XPO4: variants seen among roughly 807,000 people sequenced by gnomAD.
The protein encoded by XPO4 is exportin-4.
Under a neutral mutation model 143.0 loss-of-function variants are expected in XPO4, and 39 were observed. The observed-to-expected ratio is 0.27, with a 90% CI of 0.21 to 0.36. XPO4 has a LOEUF of 0.36. Ranked by LOEUF, XPO4 falls within the 10% of genes least tolerant of loss-of-function variation. XPO4 has a pLI of 1.00. For missense variants in XPO4, 907 were observed against 1,348.0 expected (o/e 0.67, Z 5.12); for synonymous variants, 439 against 474.0 (o/e 0.93, Z 0.96).
intron 1 of XPO4, chr13:20,901,994 T>C: frequency 1.2e-6 from 1 of 823,026 alleles, no homozygotes; most frequent in Non-Finnish European, 1.5e-6. Flanking sequence ...CTCATCAAAC[T>C]GCTTATTGTA....
rs759628324 is a variant in XPO4, at chr13:20,902,650, G to A, written c.69+20C>T. The A allele has an allele frequency of 6.4e-7, 1 of 1,558,026 alleles. No individual in the cohort carries two copies. The highest frequency in any genetic ancestry group is 2.5e-5 in the East Asian group (1 of 39,828). The stretch of plus-strand genomic sequence containing the variant: ...CGGGGGCCCGCGAATCCCGGGGTCT[G>A]AGGGGCGCGGCGTCCTCACCATCAG... On this transcript the variant is annotated intron_variant, in intron 1 of 22. Coordinates refer to ENST00000255305, the MANE Select transcript of XPO4 (RefSeq NM_022459.5).
chr13:20,896,222 C>A (rs769178789), intron 1 of XPO4, among the ~76,000 whole-genome samples: 1 of 152,196 alleles, frequency 6.6e-6, no homozygotes, highest in Admixed American at 6.5e-5. Flanking sequence ...AAACCCTTCA[C>A]AGACTTCCAG....
At chr13:20,829,907 C>A (rs139039521) in intron 6 of XPO4, among the ~76,000 whole-genome samples, 250 of 152,264 alleles carry the variant, frequency 1.6e-3, no homozygotes, top group Non-Finnish European at 2.7e-3. Flanking sequence ...ATATAATTCT[C>A]TCCTCTATCT....
intron 7 of XPO4, among the ~76,000 whole-genome samples, chr13:20,822,728 AAAGC>A (rs757015137): frequency 1.1e-4 from 17 of 152,224 alleles, no homozygotes; most frequent in Non-Finnish European, 2.1e-4. Flanking sequence ...TGCACTTAGA[AAAGC>A]AATATACCAT....
chr13:20,893,685 GGCGGAGGTT>G (rs773574502), intron 1 of XPO4, among the ~76,000 whole-genome samples: 9 of 151,904 alleles, frequency 5.9e-5, no homozygotes, highest in African/African-American at 9.7e-5. Flanking sequence ...GAACCTGGGA[GGCGGAGGTT>G]GCGGAGGTTG....
chr13:20,851,538 G>A (rs1402833611), intron 4 of XPO4: 3 of 661,430 alleles, frequency 4.5e-6, no homozygotes, highest in East Asian at 1.4e-4. Context: ...GCAAAACCCT[G>A]TCTCTACAAC....
At chr13:20,818,144 T>C (rs1438828978) in intron 9 of XPO4, among the ~76,000 whole-genome samples, 1 of 152,186 alleles carries the variant, frequency 6.6e-6, no homozygotes, top group Non-Finnish European at 1.5e-5. Flanking sequence ...ACCTCTTCAG[T>C]TCAGCAATAG....
At chr13:20,830,884 G>A (rs1480696177) in intron 6 of XPO4, among the ~76,000 whole-genome samples, 2 of 151,922 alleles carry the variant, frequency 1.3e-5, no homozygotes, top group African/African-American at 2.4e-5. Flanking sequence ...TATTATTCAC[G>A]TACATGCATT....
intron 9 of XPO4, among the ~76,000 whole-genome samples, chr13:20,811,288 CTTTT>C (rs769614867): frequency 2.2e-5 from 3 of 136,714 alleles, no homozygotes; most frequent in Non-Finnish European, 1.6e-5. Flanking sequence ...ATGCTTTTTT[CTTTT>C]TTTTTTTTTT....
chr13:20,901,737 G>C (rs1321402268), intron 1 of XPO4, among the ~76,000 whole-genome samples: 1 of 152,090 alleles, frequency 6.6e-6, no homozygotes, highest in Non-Finnish European at 1.5e-5. Flanking sequence ...AAGGAAAAAA[G>C]TCCAAAAAGG....
At chr13:20,872,181 T>C (rs1305749348) in intron 1 of XPO4, among the ~76,000 whole-genome samples, 3 of 152,232 alleles carry the variant, frequency 2.0e-5, no homozygotes, top group Admixed American at 6.5e-5. Context: ...CCCCAAGTGG[T>C]ACTGACCCAT....
intron 1 of XPO4, among the ~76,000 whole-genome samples, chr13:20,891,843 AC>A (rs1468134635): frequency 2.0e-5 from 3 of 149,498 alleles, no homozygotes; most frequent in Non-Finnish European, 4.5e-5. Flanking sequence ...AGCCTGGGTG[AC>A]AGAGCAAGAC....
intron 1 of XPO4, chr13:20,879,341 C>G: frequency 3.1e-6 from 3 of 982,228 alleles, no homozygotes; most frequent in Non-Finnish European, 3.6e-6. Flanking sequence ...GAAGGATTAA[C>G]TTGCCGGTCT....
At chr13:20,866,789 A>C (rs1217374413) in intron 2 of XPO4, among the ~76,000 whole-genome samples, 1 of 152,236 alleles carries the variant, frequency 6.6e-6, no homozygotes, top group Non-Finnish European at 1.5e-5. Flanking sequence ...ATAACAAAGC[A>C]ACAATACTTC....
rs577425011 is a variant in XPO4 at position 20,819,065 on chromosome 13, C to T, written c.1173+2639G>A. Among the ~76,000 whole-genome samples the T allele has an allele frequency of 2.5e-3, 385 of 152,254 alleles. 3 individuals are homozygous for T. The highest frequency in any genetic ancestry group is 8.6e-3 in the African/African-American group (358 of 41,556). ...CTCGAACTCCTGACCTCAGGCAATC[C>T]GCCTGCCTCAGTCTCCCAAAGTACT... On this transcript the variant is annotated intron_variant, in intron 9 of 22. Coordinates refer to ENST00000255305, the MANE Select transcript of XPO4 (RefSeq NM_022459.5).
intron 9 of XPO4, among the ~76,000 whole-genome samples, chr13:20,815,212 G>A (rs931114024): frequency 6.6e-6 from 1 of 152,192 alleles, no homozygotes; most frequent in Admixed American, 6.5e-5. Flanking sequence ...TCAGCACAGT[G>A]AAACTACTCT....
intron 5 of XPO4, 79 bp from the exon 6 acceptor site, chr13:20,843,127 C>T: frequency 1.5e-6 from 2 of 1,355,620 alleles, no homozygotes; most frequent in South Asian, 3.2e-5. Flanking sequence ...TGAAACAAAA[C>T]AAACACCTTA....
chr13:20,820,702 A>C (rs948973189), intron 9 of XPO4, among the ~76,000 whole-genome samples: 4 of 152,226 alleles, frequency 2.6e-5, no homozygotes, highest in African/African-American at 9.6e-5. Context: ...TCTACCGTAT[A>C]AACACTTGTC....
At chr13:20,848,499 G>A (rs903807014) in intron 4 of XPO4, 4 of 985,192 alleles carry the variant, frequency 4.1e-6, no homozygotes, top group Non-Finnish European at 4.8e-6. Flanking sequence ...ATTACACCAG[G>A]TTACAAGAAG....
Sources: gnomAD v4.1 joint callset for allele counts (sites outside exome capture counted in the v4.1 genomes callset) on GRCh38, gnomAD v4.1.1 for gene constraint, MANE v1.5 for transcripts, NCBI Gene and HGNC (gene_info 2026-07-23, HGNC 2026-07-21) for gene names.